Variants in PCDHGA2 observed in about 807,000 individuals in gnomAD.
The protein encoded by PCDHGA2 is protocadherin gamma subfamily A, 2.
PCDHGA2 carries 40 observed loss-of-function variants against 59.2 expected under a neutral mutation model. The ratio of observed to expected loss-of-function variants is 0.68; its 90% CI spans 0.52 to 0.88. The LOEUF (loss-of-function observed/expected upper bound fraction) is 0.88, where lower values mean the gene tolerates loss of function less well. Among genes scored for constraint, PCDHGA2 ranks in the 40% least tolerant of loss-of-function variants. PCDHGA2 has a pLI of 0.00. For synonymous variants in PCDHGA2, 560 were observed against 526.0 expected (o/e 1.06, Z -0.89); for missense variants, 1,226 against 1,204.0 (o/e 1.02, Z -0.27).
At chr5:141,414,489 G>A (rs754325517) in intron 1 of PCDHGA2, 33 of 1,613,754 alleles carry the variant, frequency 2.0e-5, no homozygotes, top group Middle Eastern at 1.6e-4. Flanking sequence ...CTCTATCAAC[G>A]GAAGCTCACT....
intron 2 of PCDHGA2, among the ~76,000 whole-genome samples, chr5:141,499,884 C>T (rs917762715): frequency 2.0e-5 from 3 of 152,014 alleles, no homozygotes; most frequent in Admixed American, 6.5e-5. Flanking sequence ...AACAGGGTTT[C>T]GCCATGTTGG....
At chr5:141,450,829 A>ATTAT (rs1554136902) in intron 1 of PCDHGA2, among the ~76,000 whole-genome samples, 14 of 135,142 alleles carry the variant, frequency 1.0e-4, no homozygotes, top group African/African-American at 3.3e-4. Context: ...TATTATTATT[A>ATTAT]TTTTTTTTTT....
At chr5:141,408,052 C>G in intron 1 of PCDHGA2, 1 of 1,283,102 alleles carries the variant, frequency 7.8e-7, no homozygotes, top group Non-Finnish European at 1.0e-6. Flanking sequence ...CACACAGAGC[C>G]TCCCGGCTGC....
In PCDHGA2 at chr5:141,389,898, GA is replaced by G. The variant is rs916636012; in HGVS notation, c.2424+48504del. ...CGACAGCTTGCAGGAGGTGCTGCCGGATATCACTGACCGCCCCGACCCCTCT... is the reference window on the plus strand; with the variant it reads ...CGACAGCTTGCAGGAGGTGCTGCCGGTATCACTGACCGCCCCGACCCCTCT... On this transcript the variant is annotated intron_variant, in intron 1 of 3. Coordinates refer to ENST00000394576, the MANE Select transcript of PCDHGA2 (RefSeq NM_018915.4). 3.1e-6 allele frequency: 5 copies of G among 1,613,952 alleles called. No homozygotes were observed. In the African/African-American group the frequency reaches 5.3e-5, roughly 17 times the overall value.
At chr5:141,500,809 A>G (rs1018522111) in intron 2 of PCDHGA2, among the ~76,000 whole-genome samples, 1 of 152,324 alleles carries the variant, frequency 6.6e-6, no homozygotes, top group African/African-American at 2.4e-5. Context: ...CCTCATATGA[A>G]TATACATATT....
At chr5:141,384,107 G>T in intron 1 of PCDHGA2, 3 of 1,602,850 alleles carry the variant, frequency 1.9e-6, no homozygotes, top group Non-Finnish European at 2.6e-6. Context: ...AATTATTATA[G>T]ATTGGTCACA....
In PCDHGA2 at chr5:141,376,683, T is replaced by TTTTTTTTTG. The variant is rs1773156952; in HGVS notation, c.2424+35296_2424+35297insGTTTTTTTT. 4 of 803,912 alleles carry TTTTTTTTTG rather than the reference T, an allele frequency of 5.0e-6. 1 individual carries two copies. The highest frequency in any genetic ancestry group is 3.9e-5 in the African/African-American group (2 of 51,902). 49.8% of individuals were successfully genotyped at this position (803,912 alleles called of 1,614,324 possible). A position where few individuals can be genotyped will look rare whatever the true frequency, so the allele number is the denominator to read the frequency against. On this transcript the variant is annotated intron_variant, in intron 1 of 3. Coordinates refer to ENST00000394576, the MANE Select transcript of PCDHGA2 (RefSeq NM_018915.4). ...TGTTCAGGTGAGGGTATCGTTTTTT[T>TTTTTTTTTG]TTTTTTTTTTTTTTGAGACGGAGTC...
chr5:141,339,492 C>T lies in PCDHGA2; in HGVS notation c.521C>T (p.Pro174Leu). 6.2e-7 allele frequency: 1 copy of T among 1,614,196 alleles called. No homozygotes were observed. Among genetic ancestry groups the T allele is most frequent in the Non-Finnish European group, 8.5e-7 (1 of 1,180,040 alleles). ...GCCCTTCAGAAGTACGCACTCAACC[C>T]AAATGACCACTTCTCCCTGGACGTG... Reference protein sequence around the residue: ...ENALQKYALNPNDHFSLDVRR... With the variant: ...ENALQKYALNLNDHFSLDVRR... The change falls in exon 1 of 4, where the codon CCA becomes CTA. Residue 174 changes from proline to leucine, a missense_variant. Pro to Leu is a moderately conservative substitution (Grantham distance 98). Transcript: ENST00000394576.
intron 1 of PCDHGA2, among the ~76,000 whole-genome samples, chr5:141,369,209 C>T (rs567971438): frequency 1.3e-5 from 2 of 151,888 alleles, no homozygotes; most frequent in South Asian, 2.1e-4. Context: ...AAACTGGGGA[C>T]CAAGGAAAAG....
chr5:141,365,504 T>G, intron 1 of PCDHGA2: 1 of 1,613,984 alleles, frequency 6.2e-7, no homozygotes, highest in Non-Finnish European at 8.5e-7. Flanking sequence ...GAATTTGCCT[T>G]TTAAATTGGA....
intron 1 of PCDHGA2, chr5:141,413,097 C>T (rs531228946): frequency 1.4e-6 from 2 of 1,447,922 alleles, no homozygotes; most frequent in African/African-American, 1.4e-5. Flanking sequence ...CACCCTGAAG[C>T]CACAGAAAGA....
intron 1 of PCDHGA2, chr5:141,366,528 C>A (rs777450935): frequency 4.3e-6 from 7 of 1,614,210 alleles, no homozygotes; most frequent in South Asian, 1.1e-5. Flanking sequence ...AGCAGGTTGG[C>A]GGGTGTGCCC....
chr5:141,460,822 C>A (rs2098998601), intron 1 of PCDHGA2, among the ~76,000 whole-genome samples: 2 of 151,502 alleles, frequency 1.3e-5, no homozygotes, highest in South Asian at 4.1e-4. Context: ...TACATATATA[C>A]ACACTTAAAG....
chr5:141,343,546 G>A (rs1757296331), intron 1 of PCDHGA2, among the ~76,000 whole-genome samples: 1 of 152,144 alleles, frequency 6.6e-6, no homozygotes, highest in Admixed American at 6.5e-5. Context: ...TTCTTAAACT[G>A]AACAATTCAA....
chr5:141,408,442 G>A lies in PCDHGA2; in HGVS notation c.2424+67047G>A, dbSNP rs774397781. On this transcript the variant is annotated intron_variant, in intron 1 of 3. Transcript: ENST00000394576. ...AGCTGCACTTCAGCGTAGACGCGGA[G>A]AGCGGGGACTTACTTGTGAAGAACC... is the stretch of plus-strand genomic sequence containing the variant. 8.7e-6 allele frequency: 14 copies of A among 1,614,080 alleles called. 1 individual carries two copies. The South Asian group carries it at 1.5e-4, about 18-fold the overall frequency.
intron 1 of PCDHGA2, among the ~76,000 whole-genome samples, chr5:141,381,816 CT>C (rs747432194): frequency 4.2e-4 from 52 of 122,544 alleles, no homozygotes; most frequent in Admixed American, 1.7e-3. Flanking sequence ...TTCTTTCTTT[CT>C]TTCTTCTTCT....
chr5:141,375,070 C>T (rs1399275208), intron 1 of PCDHGA2: 2 of 1,613,854 alleles, frequency 1.2e-6, no homozygotes, highest in Admixed American at 1.7e-5. Flanking sequence ...GTCTTCGAGA[C>T]AGAGCGAAAG....
Position 141,485,048 on chromosome 5 carries a change from C to T in PCDHGA2, c.2425-9759C>T. ...AAACGGCGCGTAACCCTTGCGGCGC[C>T]GGCCGAACCGCGCCAGAGCTGGCGC... On this transcript the variant is annotated intron_variant, in intron 1 of 3. Transcript: ENST00000394576. The surrounding 1 kb of genome is among the most constrained non-coding windows in gnomAD (Gnocchi z 5.7). 1 of 770,392 alleles carries T rather than the reference C, an allele frequency of 1.3e-6. No individual in the cohort carries two copies. Among genetic ancestry groups the T allele is most frequent in the South Asian group, 1.7e-5 (1 of 58,120 alleles). 47.7% of individuals were successfully genotyped at this position (770,392 alleles called of 1,614,324 possible). A position where few individuals can be genotyped will look rare whatever the true frequency, so the allele number is the denominator to read the frequency against.
At chr5:141,343,389 G>A (rs1396878214) in intron 1 of PCDHGA2, 2 of 981,314 alleles carry the variant, frequency 2.0e-6, no homozygotes, top group Admixed American at 1.2e-4. Context: ...TCAAAGAGGA[G>A]GTGGATATCT....
Sources: allele counts gnomAD v4.1 joint callset (sites outside exome capture counted in the v4.1 genomes callset), GRCh38; gene constraint gnomAD v4.1.1; non-coding constraint Gnocchi (gnomAD v3.1); transcripts MANE v1.5; gene names NCBI Gene and HGNC (gene_info 2026-07-23, HGNC 2026-07-21).